ANO4: variants seen among roughly 807,000 people sequenced by gnomAD.
ANO4 encodes anoctamin 4.
In ANO4, 69 loss-of-function variants were observed where a neutral mutation model predicts 141.9. That is an observed-to-expected ratio of 0.49 (90% CI 0.40 to 0.59). ANO4 has a LOEUF of 0.59. Ranked by LOEUF, ANO4 falls within the 20% of genes least tolerant of loss-of-function variation. The pLI is 0.00. For synonymous variants in ANO4, 350 were observed against 394.3 expected (o/e 0.89, Z 1.33); for missense variants, 894 against 1,162.2 (o/e 0.77, Z 3.36).
chr12:100,733,549 T>C (rs958596017), intron 1 of ANO4, among the ~76,000 whole-genome samples: 1 of 152,164 alleles, frequency 6.6e-6, no homozygotes, highest in Admixed American at 6.5e-5. Context: ...CAATTGCCTG[T>C]GTGTAGCTGT....
rs930043991 is a variant in ANO4 at position 100,846,466 on chromosome 12, A to G, written c.-141+51439A>G. Among the ~76,000 whole-genome samples, 10 of 152,218 alleles carry G rather than the reference A, an allele frequency of 6.6e-5. No individual in the cohort carries two copies. In the East Asian group the frequency reaches 1.3e-3, roughly 20 times the overall value. ...AACAACAAATATTTTACTGGTGCTA[A>G]TATCTATTAAAACATCAGAAAATTC... On this transcript the variant is annotated intron_variant, in intron 1 of 27. Coordinates refer to ENST00000392977, the MANE Select transcript of ANO4 (RefSeq NM_001286615.2).
Position 100,921,988 on chromosome 12 carries a change from A to C in ANO4, c.56-238A>C, listed in dbSNP as rs542911017. Among the ~76,000 whole-genome samples the C allele has an allele frequency of 1.1e-4, 16 of 152,276 alleles. No individual in the cohort carries two copies. In the East Asian group the frequency reaches 3.1e-3, roughly 29 times the overall value. ...CTATGAAGTGTGTTTCCTTATAAAA[A>C]AGTAGTTGCCTTATTTTGCATTGGA... On this transcript the variant is annotated intron_variant, in intron 2 of 27. Transcript: ENST00000392977.
chr12:100,759,240 G>A (rs1337718996), intron 3 of ANO4, among the ~76,000 whole-genome samples: 2 of 152,162 alleles, frequency 1.3e-5, no homozygotes, highest in East Asian at 3.9e-4. Context: ...CTCTCAATAT[G>A]TGGGTGTTTT....
chr12:100,956,869 A>G (rs562171315), intron 5 of ANO4, among the ~76,000 whole-genome samples: 1 of 152,242 alleles, frequency 6.6e-6, no homozygotes, highest in African/African-American at 2.4e-5. Flanking sequence ...TGTTTTACTT[A>G]GTTGACAGAA....
intron 18 of ANO4, among the ~76,000 whole-genome samples, chr12:101,095,038 G>A (rs1420275810): frequency 2.0e-5 from 3 of 152,110 alleles, no homozygotes; most frequent in Non-Finnish European, 2.9e-5. Context: ...TATTAACAAG[G>A]TATTGGTCAT....
chr12:100,997,359 T>G (rs1271400190), intron 8 of ANO4, among the ~76,000 whole-genome samples: 1 of 150,242 alleles, frequency 6.7e-6, no homozygotes, highest in African/African-American at 2.4e-5. Context: ...AAAGTGTCTT[T>G]TCTCCACAGT....
At chr12:101,046,977 CGGT>C (rs1021644411) in intron 13 of ANO4, among the ~76,000 whole-genome samples, 17 of 152,304 alleles carry the variant, frequency 1.1e-4, no homozygotes, top group African/African-American at 4.1e-4. Context: ...AGGCTGGGCG[CGGT>C]GGCTCACGCC....
chr12:100,739,708 G>A (rs2031779081), intron 2 of ANO4: 1 of 619,774 alleles, frequency 1.6e-6, no homozygotes, highest in Non-Finnish European at 2.9e-6. Flanking sequence ...CAAGAGGGAT[G>A]ATGCCTGCCT....
chr12:101,035,528 A>T (rs2047159025), intron 9 of ANO4, among the ~76,000 whole-genome samples: 1 of 152,180 alleles, frequency 6.6e-6, no homozygotes, highest in Non-Finnish European at 1.5e-5. Context: ...TATGATTGTT[A>T]TACCTCAGTA....
rs958861881 is a variant in ANO4, at chr12:100,922,079, T to A, written c.56-147T>A. 5.1e-5 allele frequency: 25 copies of A among 486,068 alleles called. No homozygotes were observed. The Middle Eastern group carries it at 1.6e-3, about 31-fold the overall frequency. 30.1% of individuals were successfully genotyped at this position (486,068 alleles called of 1,614,324 possible). On this transcript the variant is annotated intron_variant, in intron 2 of 27. Coordinates refer to ENST00000392977, the MANE Select transcript of ANO4 (RefSeq NM_001286615.2). Reference sequence around the variant, plus strand: ...CTTGTATATGTTCCTTTTTTTTTTTTTCTTAAGTCCTTTGTCTAAGAAGGA... The same window carrying A: ...CTTGTATATGTTCCTTTTTTTTTTTATCTTAAGTCCTTTGTCTAAGAAGGA...
intron 8 of ANO4, among the ~76,000 whole-genome samples, chr12:101,001,481 G>A (rs1248319480): frequency 1.3e-5 from 2 of 152,148 alleles, no homozygotes; most frequent in African/African-American, 4.8e-5. Context: ...TACAGAAGGA[G>A]GCGCAGAAAC....
intron 15 of ANO4, among the ~76,000 whole-genome samples, chr12:101,082,403 G>A (rs185265456): frequency 1.3e-5 from 2 of 152,224 alleles, no homozygotes; most frequent in East Asian, 3.9e-4. Flanking sequence ...GTATGAAAAT[G>A]GACAGATACA....
intron 16 of ANO4, 34 bp from the exon 17 acceptor site, chr12:101,086,625 CA>C (rs760817993): frequency 8.6e-5 from 138 of 1,610,836 alleles, no homozygotes; most frequent in Middle Eastern, 5.8e-4. Flanking sequence ...AACATTCCAC[CA>C]AGAGGTTCAC....
chr12:100,874,145 TG>T (rs1432879247), intron 1 of ANO4, among the ~76,000 whole-genome samples: 2 of 152,244 alleles, frequency 1.3e-5, no homozygotes, highest in Non-Finnish European at 2.9e-5. Flanking sequence ...AATGGCTGGA[TG>T]TCCAGCCAGC....
rs374901441 is a variant in ANO4 at position 101,043,523 on chromosome 12, C to A, written c.1155-16C>A. 4 of 1,594,008 alleles carry A rather than the reference C, an allele frequency of 2.5e-6. No individual in the cohort carries two copies. The highest frequency in any genetic ancestry group is 1.3e-5 in the African/African-American group (1 of 74,502). ...CCATGTCATCAAAAAGCAGTCCTTTCTGTTCTCTTTTCCAGTAAAGAAGTC... is the reference window on the plus strand; with the variant it reads ...CCATGTCATCAAAAAGCAGTCCTTTATGTTCTCTTTTCCAGTAAAGAAGTC... On this transcript the variant is annotated splice_polypyrimidine_tract_variant and intron_variant, in intron 12 of 27. Coordinates refer to ENST00000392977, the MANE Select transcript of ANO4 (RefSeq NM_001286615.2).
At chr12:100,796,992 C>T (rs1180737479) in intron 1 of ANO4, among the ~76,000 whole-genome samples, 1 of 152,116 alleles carries the variant, frequency 6.6e-6, no homozygotes, top group Non-Finnish European at 1.5e-5. Context: ...TCATTTAGAA[C>T]ATATTTCATT....
intron 3 of ANO4, among the ~76,000 whole-genome samples, chr12:100,938,538 A>G (rs1173028766): frequency 6.6e-6 from 1 of 152,222 alleles, no homozygotes; most frequent in Non-Finnish European, 1.5e-5. Context: ...CTGGCCCATA[A>G]TTGAAGTGGA....
intron 26 of ANO4, among the ~76,000 whole-genome samples, chr12:101,120,996 T>A (rs1485328768): frequency 6.6e-6 from 1 of 152,212 alleles, no homozygotes; most frequent in East Asian, 1.9e-4. Context: ...ATTCTGACTA[T>A]AGGCATTCTG....
At chr12:100,924,615 A>G (rs918796834) in intron 3 of ANO4, among the ~76,000 whole-genome samples, 2 of 152,144 alleles carry the variant, frequency 1.3e-5, no homozygotes, top group Admixed American at 1.3e-4. Flanking sequence ...AAAAATTTCC[A>G]CAAGAGAATA....
Sources: allele counts gnomAD v4.1 joint callset (sites outside exome capture counted in the v4.1 genomes callset), GRCh38; gene constraint gnomAD v4.1.1; transcripts MANE v1.5; gene names NCBI Gene and HGNC (gene_info 2026-07-23, HGNC 2026-07-21).